The following POU6F2 variants were observed in gnomAD, a reference collection of about 807,000 sequenced individuals.
The protein encoded by POU6F2 is POU domain, class 6, transcription factor 2.
Under a neutral mutation model 71.3 loss-of-function variants are expected in POU6F2, and 31 were observed. The ratio of observed to expected loss-of-function variants is 0.43; its 90% CI spans 0.33 to 0.59. The LOEUF (loss-of-function observed/expected upper bound fraction) is 0.59. POU6F2 is among the 20% of genes least tolerant of loss of function. POU6F2 has a pLI of 0.04. For missense variants in POU6F2, 783 were observed against 856.8 expected (o/e 0.91, Z 1.07); for synonymous variants, 347 against 355.7 (o/e 0.98, Z 0.27).
intron 1 of POU6F2, among the ~76,000 whole-genome samples, chr7:38,993,821 G>A (rs1788669389): frequency 6.6e-6 from 1 of 152,094 alleles, no homozygotes; most frequent in Non-Finnish European, 1.5e-5. Flanking sequence ...TCGGAGCACT[G>A]GCCTCTTGCT....
At chr7:39,034,851 G>A (rs1009649000) in intron 1 of POU6F2, among the ~76,000 whole-genome samples, 1 of 152,120 alleles carries the variant, frequency 6.6e-6, no homozygotes, top group African/African-American at 2.4e-5. Context: ...TAGCCATTTG[G>A]TTGTGAGGGG....
intron 4 of POU6F2, among the ~76,000 whole-genome samples, chr7:39,235,858 C>T (rs1794665443): frequency 1.3e-5 from 2 of 152,108 alleles, no homozygotes; most frequent in Admixed American, 1.3e-4. Context: ...GGAAAATGAG[C>T]CTGTACCTCC....
At chr7:39,172,971 A>T (rs1307063972) in intron 2 of POU6F2, among the ~76,000 whole-genome samples, 1 of 152,086 alleles carries the variant, frequency 6.6e-6, no homozygotes, top group Non-Finnish European at 1.5e-5. Context: ...GTCCAATAGA[A>T]ATATGATGTG....
intron 2 of POU6F2, among the ~76,000 whole-genome samples, chr7:39,100,589 G>A (rs956276287): frequency 2.0e-5 from 3 of 152,104 alleles, no homozygotes; most frequent in Non-Finnish European, 4.4e-5. Flanking sequence ...TAAATATATT[G>A]TGATATTGAA....
At chr7:39,124,108 G>T (rs374594954) in intron 2 of POU6F2, among the ~76,000 whole-genome samples, 1 of 146,780 alleles carries the variant, frequency 6.8e-6, no homozygotes, top group South Asian at 2.2e-4. Context: ...GTGCAATGGC[G>T]CAATCTTGGC....
At chr7:39,079,054 C>T (rs1198675085) in intron 1 of POU6F2, among the ~76,000 whole-genome samples, 1 of 152,010 alleles carries the variant, frequency 6.6e-6, no homozygotes, top group African/African-American at 2.4e-5. Context: ...AACTCCCAGT[C>T]AGTTAGATAC....
At chr7:39,311,368 A>G (rs4723852) in intron 4 of POU6F2, among the ~76,000 whole-genome samples, 103,614 of 151,380 alleles carry the variant, frequency 0.68, 35,485 homozygotes, top group Admixed American at 0.77. Flanking sequence ...TCATCACCTC[A>G]CCCTGCCACA....
intron 5 of POU6F2, among the ~76,000 whole-genome samples, chr7:39,399,873 AAAGAAAG>A (rs764083530): frequency 1.3e-4 from 16 of 126,892 alleles, no homozygotes; most frequent in African/African-American, 3.3e-4. Context: ...AAAAAAAAAG[AAAGAAAG>A]AAAGAAAAAG....
chr7:39,058,727 G>A (rs1033088870), intron 1 of POU6F2, among the ~76,000 whole-genome samples: 1 of 152,106 alleles, frequency 6.6e-6, no homozygotes, highest in Non-Finnish European at 1.5e-5. Flanking sequence ...GACTAGATAC[G>A]TAAATGGGTT....
At chr7:39,356,835 C>A (rs1402561410) in intron 5 of POU6F2, among the ~76,000 whole-genome samples, 1 of 152,130 alleles carries the variant, frequency 6.6e-6, no homozygotes, top group African/African-American at 2.4e-5. Flanking sequence ...TTGTTTCAAC[C>A]CCATCCTTCT....
Position 39,339,662 on chromosome 7 carries a change from C to A in POU6F2, c.619C>A (p.Gln207Lys), listed in dbSNP as rs1037723269. 5.0e-6 allele frequency: 8 copies of A among 1,597,194 alleles called. No homozygotes were observed. Among genetic ancestry groups the A allele is most frequent in the Non-Finnish European group, 6.8e-6 (8 of 1,176,546 alleles). The part of the protein sequence containing the change: ...NLQATSSLNS[Q>K]LQQLQLQLQQ... ...TGTAGCTACCTCATCCCTGAACTCC[C>A]AGCTCCAGCAGCTCCAGCTCCAGCT... is the stretch of plus-strand genomic sequence containing the variant. The change falls in exon 5 of 10, where the codon CAG becomes AAG. Residue 207 changes from glutamine to lysine, a missense_variant. Gln to Lys is a moderately conservative substitution (Grantham distance 53, BLOSUM62 1). Around this residue, in one of 2 missense-constraint regions of POU6F2, gnomAD observed 572 missense variants for 572.9 expected, o/e 1.00. Coordinates refer to ENST00000518318, the MANE Select transcript of POU6F2 (RefSeq NM_001370959.1).
chr7:39,351,717 C>T (rs1020062141), intron 5 of POU6F2, among the ~76,000 whole-genome samples: 9 of 152,208 alleles, frequency 5.9e-5, no homozygotes, highest in South Asian at 2.1e-4. Flanking sequence ...GCTGATGCAG[C>T]GGGTTGCTCA....
chr7:39,140,356 G>C (rs941120513), intron 2 of POU6F2, among the ~76,000 whole-genome samples: 3 of 152,180 alleles, frequency 2.0e-5, no homozygotes. Flanking sequence ...TAGGGCATAG[G>C]GGAGTGCATT....
intron 1 of POU6F2, among the ~76,000 whole-genome samples, chr7:39,016,460 A>C (rs1206092572): frequency 1.3e-5 from 2 of 152,066 alleles, no homozygotes; most frequent in East Asian, 3.9e-4. Context: ...AAAAGCTCAT[A>C]GTCCCATTAG....
intron 2 of POU6F2, among the ~76,000 whole-genome samples, chr7:39,187,442 G>A (rs778451926): frequency 1.2e-4 from 19 of 152,342 alleles, no homozygotes; most frequent in East Asian, 7.7e-4. Context: ...GCTTCACTCC[G>A]TGGTGGCATG....
At chr7:39,260,922 C>T (rs1253533218) in intron 4 of POU6F2, among the ~76,000 whole-genome samples, 1 of 151,638 alleles carries the variant, frequency 6.6e-6, no homozygotes, top group Non-Finnish European at 1.5e-5. Context: ...TCATATTATA[C>T]ACATCTCACA....
intron 1 of POU6F2, among the ~76,000 whole-genome samples, chr7:39,035,020 GAGA>G (rs1463333878): frequency 1.1e-4 from 16 of 151,742 alleles, no homozygotes; most frequent in African/African-American, 2.9e-4. Flanking sequence ...GGAAGGTAGA[GAGA>G]AGGATTCTCT....
intron 2 of POU6F2, among the ~76,000 whole-genome samples, chr7:39,128,339 C>T (rs1792186391): frequency 6.6e-6 from 1 of 152,100 alleles, no homozygotes; most frequent in South Asian, 2.1e-4. Flanking sequence ...TAAAACAATG[C>T]TATTATTAAC....
At chr7:39,164,423 C>CCAGAGTGGGATGGAAGTGGGCT (rs1793069255) in intron 2 of POU6F2, among the ~76,000 whole-genome samples, 1 of 123,386 alleles carries the variant, frequency 8.1e-6, no homozygotes, top group African/African-American at 3.0e-5. Context: ...CACTTCCATC[C>CCAGAGTGGGATGGAAGTGGGCT]CAGAGTTCCA....
Sources: allele counts gnomAD v4.1 joint callset (sites outside exome capture counted in the v4.1 genomes callset), GRCh38; gene constraint gnomAD v4.1.1; regional missense constraint gnomAD v4.1.1; transcripts MANE v1.5; gene names NCBI Gene and HGNC (gene_info 2026-07-23, HGNC 2026-07-21).